The following SCARB1 variants were observed in gnomAD, a reference collection of about 807,000 sequenced individuals.
SCARB1 encodes scavenger receptor class B member 1, also known as CD36 and LIMPII analogous 1.
Under a neutral mutation model 57.2 loss-of-function variants are expected in SCARB1, and 30 were observed. The ratio of observed to expected loss-of-function variants is 0.52; its 90% CI spans 0.39 to 0.71. SCARB1 has a LOEUF of 0.71. Among genes scored for constraint, SCARB1 ranks in the 30% least tolerant of loss-of-function variants. The probability of loss-of-function intolerance (pLI) is 0.00; values close to 1 mark genes in which losing one functional copy is unlikely to be tolerated. For synonymous variants in SCARB1, 249 were observed against 268.3 expected (o/e 0.93, Z 0.70); for missense variants, 543 against 671.2 (o/e 0.81, Z 2.11).
At position 124,777,365 on chromosome 12, in the gene SCARB1, C is replaced by G. The variant is rs982072270; in HGVS notation, c.*1222G>C. On this transcript the variant is annotated 3_prime_UTR_variant, in exon 13 of 13. Transcript: ENST00000261693. ...CCCCATGCAAAAGTGGCAAAAGCGT[C>G]TGCACTGGGGGCTGTGGGATGGGAC... is the stretch of plus-strand genomic sequence containing the variant. 1 of 152,220 alleles carries G rather than the reference C, an allele frequency of 6.6e-6. No individual in the cohort carries two copies. The highest frequency in any genetic ancestry group is 2.4e-5 in the African/African-American group (1 of 41,440). The allele number at this position is 152,220 out of a possible 1,614,324, so 9.4% of individuals were successfully genotyped here.
At chr12:124,820,569 C>A (rs1457610711) in intron 1 of SCARB1, among the ~76,000 whole-genome samples, 1 of 152,158 alleles carries the variant, frequency 6.6e-6, no homozygotes, top group Non-Finnish European at 1.5e-5. Context: ...CTGGCCTTCA[C>A]CCAGCCTCAA....
intron 8 of SCARB1, among the ~76,000 whole-genome samples, chr12:124,797,139 C>T (rs909251038): frequency 6.6e-5 from 10 of 152,148 alleles, no homozygotes; most frequent in African/African-American, 2.4e-4. Context: ...GTTGTCACAA[C>T]TCATTGCTAA....
rs370714200 is a variant in SCARB1 at position 124,816,180 on chromosome 12, C to T, written c.285-1066G>A. ...CCCCAAGGCCACCCTCCCTCCTGCA[C>T]TCCGGCTTCACACTGTTTTGTCTGC... On this transcript the variant is annotated intron_variant, in intron 2 of 12. Transcript: ENST00000261693. Among the ~76,000 whole-genome samples, 38 of 152,352 alleles carry T rather than the reference C, an allele frequency of 2.5e-4. No homozygotes were observed. In the South Asian group the frequency reaches 6.4e-3, roughly 26 times the overall value.
chr12:124,860,574 C>G (rs183854749), intron 1 of SCARB1, among the ~76,000 whole-genome samples: 130 of 152,328 alleles, frequency 8.5e-4, no homozygotes, highest in Admixed American at 2.3e-3. Context: ...AGTCCCATAC[C>G]TTGTGGGTGG....
intron 8 of SCARB1, among the ~76,000 whole-genome samples, chr12:124,797,830 G>A (rs1169299529): frequency 6.6e-6 from 1 of 152,198 alleles, no homozygotes; most frequent in Non-Finnish European, 1.5e-5. Flanking sequence ...AAGAAAAATG[G>A]TGCAGAACAG....
intron 1 of SCARB1, among the ~76,000 whole-genome samples, chr12:124,862,960 A>G (rs1295891221): frequency 6.6e-6 from 1 of 152,212 alleles, no homozygotes; most frequent in East Asian, 1.9e-4. Context: ...TCTGGGGAGA[A>G]AAGCGGCTTA....
intron 9 of SCARB1, among the ~76,000 whole-genome samples, chr12:124,790,980 A>G (rs1949707808): frequency 6.6e-6 from 1 of 152,244 alleles, no homozygotes; most frequent in South Asian, 2.1e-4. Context: ...AATGTGGTTT[A>G]TACTGACCAC....
intron 12 of SCARB1, among the ~76,000 whole-genome samples, chr12:124,780,470 C>T (rs1873230069): frequency 6.6e-6 from 1 of 152,258 alleles, no homozygotes; most frequent in Non-Finnish European, 1.5e-5. Context: ...GGGACTCAGG[C>T]CTGAGACTCA....
At position 124,786,448 on chromosome 12, in the gene SCARB1, A is replaced by G. The variant is rs1230482462; in HGVS notation, c.1310T>C (p.Met437Thr). The G allele has an allele frequency of 4.3e-6, 7 of 1,614,034 alleles. No individual in the cohort carries two copies. The highest frequency in any genetic ancestry group is 3.3e-5 in the Admixed American group (2 of 60,010). The change falls in exon 11 of 13, where the codon ATG becomes ACG. Residue 437 changes from methionine to threonine, a missense_variant. Physicochemically the swap from Met to Thr is moderately conservative, Grantham distance 81. Transcript: ENST00000261693. ...LHTFYTQLVL[M>T]PKVMHYAQYV... ...CTGGGCATAGTGCATCACCTTGGGC[A>G]TCAACACCAGCTGAGTGTAGAATGT...
rs772192914 is a variant in SCARB1 at position 124,795,268 on chromosome 12, C to T, written c.1129G>A (p.Val377Ile). The T allele has an allele frequency of 5.6e-6, 9 of 1,613,278 alleles. No homozygotes were observed. The African/African-American group carries it at 1.2e-4, about 22-fold the overall frequency. ...AHSLFLDIHP[V>I]TGIPMNCSVK... is the part of the protein sequence containing the mutation. The stretch of plus-strand genomic sequence containing the variant: ...GAGCAGTTCATGGGGATTCCCGTGA[C>T]CTGCGGCAACAAACACAGTGAGGAG... Residue 377 changes from valine (V) to isoleucine (I), a missense_variant and splice_region_variant, in exon 9 of 13, where the codon GTC (valine) becomes ATC (isoleucine). Val to Ile is a conservative substitution (Grantham distance 29). Coordinates refer to ENST00000261693, the MANE Select transcript of SCARB1 (RefSeq NM_005505.5).
In SCARB1 at chr12:124,810,216, G is replaced by T; in HGVS notation, c.800C>A (p.Thr267Asn). The T allele has an allele frequency of 6.2e-7, 1 of 1,614,150 alleles. No individual in the cohort carries two copies. ...TSGQMWPPFM[T>N]PESSLEFYSP... ...GTAGAACTCCAGCGAGGACTCAGGA[G>T]TCATGAAGGGCGGCCACATTTGCCC... Residue 267 changes from threonine to asparagine, a missense_variant, in exon 6 of 13, where the codon ACT becomes AAT. Physicochemically the swap from Thr to Asn is moderately conservative, Grantham distance 65. Coordinates refer to ENST00000261693, the MANE Select transcript of SCARB1 (RefSeq NM_005505.5). This position sits in a 1 kb window ranked among gnomAD's most constrained non-coding sequence, Gnocchi z 4.0.
rs532833986 is a variant in SCARB1, at chr12:124,807,545, G to A, written c.1009+216C>T. 6.6e-6 allele frequency among the ~76,000 whole-genome samples: 1 copy of A among 152,312 alleles called. No individual in the cohort carries two copies. Among genetic ancestry groups the A allele is most frequent in the African/African-American group, 2.4e-5 (1 of 41,578 alleles). ...AGATAACCAGTGTGTGTTGTTCTAAGCCCTGAAGTTCATGGCAATATATTG... is the reference window on the plus strand; with the variant it reads ...AGATAACCAGTGTGTGTTGTTCTAAACCCTGAAGTTCATGGCAATATATTG... On this transcript the variant is annotated intron_variant, in intron 7 of 12. Coordinates refer to ENST00000261693, the MANE Select transcript of SCARB1 (RefSeq NM_005505.5). This position sits in a 1 kb window ranked among gnomAD's most constrained non-coding sequence, Gnocchi z 5.3.
chr12:124,844,817 C>CTT (rs771987604), intron 1 of SCARB1, among the ~76,000 whole-genome samples: 4,349 of 140,922 alleles, frequency 0.031, 427 homozygotes, highest in East Asian at 0.23. Context: ...TTCTTTCTTT[C>CTT]TTTTTTTTTT....
At chr12:124,857,615 G>A (rs977451296) in intron 1 of SCARB1, among the ~76,000 whole-genome samples, 1 of 152,208 alleles carries the variant, frequency 6.6e-6, no homozygotes, top group East Asian at 1.9e-4. Flanking sequence ...CCTCGGGGAC[G>A]CTGCAGTGAC....
chr12:124,813,964 A>G (rs1034753730), intron 4 of SCARB1, among the ~76,000 whole-genome samples: 1 of 152,170 alleles, frequency 6.6e-6, no homozygotes, highest in African/African-American at 2.4e-5. Flanking sequence ...GCCCAGTCAC[A>G]TCATTTGAGC....
At chr12:124,815,686 C>T (rs1809225) in intron 2 of SCARB1, among the ~76,000 whole-genome samples, 148,775 of 152,236 alleles carry the variant, frequency 0.98, 72,749 homozygotes, top group Non-Finnish European at 1. Flanking sequence ...CCCAACATGG[C>T]GAAACCACGT....
At chr12:124,831,855 A>C (rs1331110327) in intron 1 of SCARB1, among the ~76,000 whole-genome samples, 4 of 152,228 alleles carry the variant, frequency 2.6e-5, no homozygotes, top group Non-Finnish European at 4.4e-5. Context: ...GGGCCTAATC[A>C]ATAGAAGAAC....
chr12:124,791,683 G>A (rs577708416), intron 9 of SCARB1, among the ~76,000 whole-genome samples: 4 of 152,272 alleles, frequency 2.6e-5, no homozygotes, highest in Admixed American at 6.5e-5. Flanking sequence ...GAGACCGGGC[G>A]CAGTGGCTCA....
At chr12:124,837,534 GAAAGAAAAGA>G (rs1183802916) in intron 1 of SCARB1, among the ~76,000 whole-genome samples, 31 of 79,426 alleles carry the variant, frequency 3.9e-4, no homozygotes, top group African/African-American at 1.6e-3. Flanking sequence ...GAAAGAAAAA[GAAAGAAAAGA>G]AAAGAAAAGA....
Sources: allele counts gnomAD v4.1 joint callset (sites outside exome capture counted in the v4.1 genomes callset), GRCh38; gene constraint gnomAD v4.1.1; non-coding constraint Gnocchi (gnomAD v3.1); transcripts MANE v1.5; gene names NCBI Gene and HGNC (gene_info 2026-07-23, HGNC 2026-07-21).